COG7: variants seen among roughly 807,000 people sequenced by gnomAD.
COG7 encodes conserved oligomeric Golgi complex subunit 7.
A neutral mutation model predicts 91.5 loss-of-function variants in COG7; 49 were observed. The observed-to-expected ratio is 0.54, with a 90% CI of 0.43 to 0.68. The LOEUF is 0.68. Ranked by LOEUF, COG7 falls within the 30% of genes least tolerant of loss-of-function variation. The pLI, the probability that COG7 is intolerant of heterozygous loss-of-function variation, is 0.00. For missense variants in COG7, 895 were observed against 961.3 expected (o/e 0.93, Z 0.91); for synonymous variants, 365 against 388.7 (o/e 0.94, Z 0.72).
intron 12 of COG7, among the ~76,000 whole-genome samples, chr16:23,404,129 C>T (rs544479778): frequency 6.6e-6 from 1 of 152,348 alleles, no homozygotes; most frequent in Admixed American, 6.5e-5. Context: ...CATGGACAAG[C>T]AGTTTAGGAA....
intron 9 of COG7, chr16:23,414,385 T>G (rs1963618958): frequency 6.6e-6 from 1 of 152,180 alleles, no homozygotes; most frequent in South Asian, 2.1e-4. Context: ...TCACAGCACT[T>G]TGGGAGGCCG....
At chr16:23,401,805 C>T (rs1963382517) in intron 13 of COG7, among the ~76,000 whole-genome samples, 1 of 151,996 alleles carries the variant, frequency 6.6e-6, no homozygotes, top group Non-Finnish European at 1.5e-5. Flanking sequence ...CCTGTAATCC[C>T]AGCACTTTGG....
intron 1 of COG7, among the ~76,000 whole-genome samples, chr16:23,449,542 G>A (rs898235571): frequency 9.9e-5 from 15 of 151,024 alleles, no homozygotes; most frequent in Non-Finnish European, 7.4e-5. Context: ...TTGGGAGCTC[G>A]AGACCAGCCT....
In COG7 at chr16:23,406,147, C is replaced by T; in HGVS notation, c.1591G>A (p.Glu531Lys). The T allele has an allele frequency of 1.2e-6, 2 of 1,614,094 alleles. No individual in the cohort carries two copies. The highest frequency in any genetic ancestry group is 1.7e-6 in the Non-Finnish European group (2 of 1,179,988). ...KKNSAKNPWQ[E>K]YNYLQKDNPA... ...TTATCTTTCTGGAGGTAATTATATT[C>T]TTGCCATGGGTTCTTGGCAGAGTTC... The change falls in exon 12 of 17, where the codon GAA (glutamate) becomes AAA (lysine). Residue 531 changes from glutamate to lysine, a missense_variant. Transcript: ENST00000307149.
At chr16:23,434,769 CA>C in intron 4 of COG7, 51 bp from the exon 5 acceptor site, 1 of 1,382,890 alleles carries the variant, frequency 7.2e-7, no homozygotes, top group Non-Finnish European at 1.0e-6. Flanking sequence ...CTGGTGTAGA[CA>C]TGAGAAAAAA....
intron 4 of COG7, among the ~76,000 whole-genome samples, chr16:23,439,882 A>AT (rs1457698009): frequency 6.6e-6 from 1 of 152,124 alleles, no homozygotes; most frequent in South Asian, 2.1e-4. Context: ...AATTTTTTAA[A>AT]TTTTTTTCTA....
At position 23,392,544 on chromosome 16, in the gene COG7, C is replaced by T. The variant is rs1322218847; in HGVS notation, c.2003-21G>A. 3.7e-6 allele frequency: 6 copies of T among 1,614,078 alleles called. No homozygotes were observed. In the South Asian group the frequency reaches 5.5e-5, roughly 15 times the overall value. Reference sequence around the variant, plus strand: ...ATCCCCTGAAAAGAAAAGGAGGTCACCAAGGAAAACACAGGCCTGCAGTAG... The same window carrying T: ...ATCCCCTGAAAAGAAAAGGAGGTCATCAAGGAAAACACAGGCCTGCAGTAG... On this transcript the variant is annotated intron_variant, in intron 15 of 16. Transcript: ENST00000307149.
intron 13 of COG7, among the ~76,000 whole-genome samples, chr16:23,399,818 C>G (rs935081630): frequency 6.6e-6 from 1 of 152,088 alleles, no homozygotes; most frequent in Non-Finnish European, 1.5e-5. Flanking sequence ...AGGAAACTTA[C>G]CATTCAAAAA....
At chr16:23,452,720 C>T in intron 1 of COG7, 106 bp downstream of exon 1, 1 of 1,495,494 alleles carries the variant, frequency 6.7e-7, no homozygotes, top group Non-Finnish European at 8.9e-7. Flanking sequence ...AGGGTATTTG[C>T]TGTCCATGCG....
Position 23,393,295 on chromosome 16 carries a change from T to C in COG7, c.1940A>G (p.Gln647Arg), listed in dbSNP as rs758636047. 6.2e-7 allele frequency: 1 copy of C among 1,614,184 alleles called. No individual in the cohort carries two copies. The highest frequency in any genetic ancestry group is 8.5e-7 in the Non-Finnish European group (1 of 1,180,036). The change falls in exon 15 of 17, where the codon CAG becomes CGG. Residue 647 changes from glutamine (Q) to arginine (R), a missense_variant. Physicochemically the swap from Gln to Arg is conservative, Grantham distance 43. Transcript: ENST00000307149. The part of the protein sequence containing the change: ...LPLNLEPFVT[Q>R]EDSALELALH... ...TGCCAACTCTAAGGCAGAGTCCTCCTGAGTCACAAATGGCTCAAGATTCAG... is the reference window on the plus strand; with the variant it reads ...TGCCAACTCTAAGGCAGAGTCCTCCCGAGTCACAAATGGCTCAAGATTCAG...
chr16:23,406,800 A>G (rs1963470683), intron 11 of COG7, among the ~76,000 whole-genome samples: 1 of 152,136 alleles, frequency 6.6e-6, no homozygotes. Context: ...TGGGAGGTTT[A>G]TTTTTGTGGT....
At chr16:23,391,144 A>C (rs933308990) in intron 16 of COG7, among the ~76,000 whole-genome samples, 1 of 152,182 alleles carries the variant, frequency 6.6e-6, no homozygotes, top group Non-Finnish European at 1.5e-5. Flanking sequence ...GGAGCTGCCT[A>C]AAGCTTTGTT....
chr16:23,418,321 A>G (rs961939094), intron 8 of COG7, among the ~76,000 whole-genome samples: 3 of 152,166 alleles, frequency 2.0e-5, no homozygotes, highest in African/African-American at 2.4e-5. Context: ...CCTGGGCAAC[A>G]TGGCAAAACT....
chr16:23,423,137 G>A (rs189167936), intron 7 of COG7, among the ~76,000 whole-genome samples: 30 of 151,744 alleles, frequency 2.0e-4, no homozygotes, highest in Middle Eastern at 3.4e-3. Context: ...AGGCTGAGGC[G>A]GGTCGATCAC....
chr16:23,411,174 A>G lies in COG7; in HGVS notation c.1410-814T>C, dbSNP rs528135627. Among the ~76,000 whole-genome samples the G allele has an allele frequency of 2.6e-5, 4 of 152,326 alleles. No individual in the cohort carries two copies. In the South Asian group the frequency reaches 6.2e-4, roughly 24 times the overall value. On this transcript the variant is annotated intron_variant, in intron 10 of 16. Coordinates refer to ENST00000307149, the MANE Select transcript of COG7 (RefSeq NM_153603.4). ...TTCTCAGAGATAAGCCCAAATGACC[A>G]TCATATCCGTATTGAATGATCCTTT...
At chr16:23,427,270 C>T (rs923089226) in intron 6 of COG7, among the ~76,000 whole-genome samples, 1 of 148,088 alleles carries the variant, frequency 6.8e-6, no homozygotes, top group African/African-American at 2.5e-5. Context: ...AACAAACAAA[C>T]AAAAAAAAAC....
At position 23,413,442 on chromosome 16, in the gene COG7, G is replaced by C. The variant is rs371897770; in HGVS notation, c.1409+6C>G. The stretch of plus-strand genomic sequence containing the variant: ...GAACAAGCTTGAATTACAACCCCCG[G>C]TTTACCTAATGGAGTTCTGAAAAGC... On this transcript the variant is annotated splice_donor_region_variant and intron_variant, in intron 10 of 16. Transcript: ENST00000307149. 41 of 1,402,442 alleles carry C rather than the reference G, an allele frequency of 2.9e-5. No individual in the cohort carries two copies. In the Middle Eastern group the frequency reaches 8.8e-4, roughly 30 times the overall value. 86.9% of individuals were successfully genotyped at this position (1,402,442 alleles called of 1,614,324 possible). A position where few individuals can be genotyped will look rare whatever the true frequency, so the allele number is the denominator to read the frequency against.
At chr16:23,400,981 G>T (rs528567479) in intron 13 of COG7, among the ~76,000 whole-genome samples, 65 of 149,126 alleles carry the variant, frequency 4.4e-4, no homozygotes, top group South Asian at 1.7e-3. Flanking sequence ...AAAAAAAAAG[G>T]GGGGGGGGAA....
chr16:23,438,531 C>A (rs1964048088), intron 4 of COG7, among the ~76,000 whole-genome samples: 1 of 152,090 alleles, frequency 6.6e-6, no homozygotes, highest in Non-Finnish European at 1.5e-5. Context: ...GCATTCCAGC[C>A]TGGGTGACAG....
Sources: gnomAD v4.1 joint callset for allele counts (sites outside exome capture counted in the v4.1 genomes callset) on GRCh38, gnomAD v4.1.1 for gene constraint, MANE v1.5 for transcripts, NCBI Gene and HGNC (gene_info 2026-07-23, HGNC 2026-07-21) for gene names.